The following RALYL variants were observed in gnomAD, a reference collection of about 807,000 sequenced individuals.
RALYL encodes RALY RNA binding protein like.
A neutral mutation model predicts 35.1 loss-of-function variants in RALYL; 29 were observed. The ratio of observed to expected loss-of-function variants is 0.83; its 90% CI spans 0.61 to 1.13. The LOEUF (loss-of-function observed/expected upper bound fraction) is 1.13, where lower values mean the gene tolerates loss of function less well. Ranked by LOEUF, RALYL falls within the 50% of genes most tolerant of loss-of-function variation. The pLI is 0.00. For missense variants in RALYL, 359 were observed against 360.4 expected (o/e 1.00, Z 0.03); for synonymous variants, 120 against 127.6 (o/e 0.94, Z 0.40).
At chr8:84,576,285 A>G (rs72679372) in intron 2 of RALYL, among the ~76,000 whole-genome samples, 3,483 of 152,350 alleles carry the variant, frequency 0.023, 61 homozygotes, top group Non-Finnish European at 0.036. Flanking sequence ...AGCACTGAAC[A>G]TAAGCATTAC....
chr8:84,550,663 A>G lies in RALYL; in HGVS notation c.256+21086A>G, dbSNP rs2060655276. Among the ~76,000 whole-genome samples, 3 of 151,752 alleles carry G rather than the reference A, an allele frequency of 2.0e-5. No individual in the cohort carries two copies. The South Asian group carries it at 6.2e-4, about 31-fold the overall frequency. ...AGTAGGCTTATATTATAACAGAAAT[A>G]TGTTTGTCCTTTAGAAACTTATGAC... is the stretch of plus-strand genomic sequence containing the variant. On this transcript the variant is annotated intron_variant, in intron 2 of 8. Transcript: ENST00000521268.
At chr8:84,320,092 A>G (rs985254406) in intron 1 of RALYL, among the ~76,000 whole-genome samples, 3 of 152,074 alleles carry the variant, frequency 2.0e-5, no homozygotes, top group Non-Finnish European at 4.4e-5. Context: ...TTGGAATTCT[A>G]ATTTTCTGCC....
At chr8:84,892,086 G>A (rs1554643088) in intron 8 of RALYL, among the ~76,000 whole-genome samples, 2 of 152,156 alleles carry the variant, frequency 1.3e-5, no homozygotes, top group Non-Finnish European at 1.5e-5. Context: ...GTGGTGAGAA[G>A]CCAAAGATAT....
chr8:84,486,053 A>G (rs1461105717), intron 1 of RALYL, among the ~76,000 whole-genome samples: 1 of 145,804 alleles, frequency 6.9e-6, no homozygotes, highest in African/African-American at 2.5e-5. Flanking sequence ...GAATTTAGAC[A>G]GTAGCCTACA....
chr8:84,186,930 G>A (rs796876687), intron 1 of RALYL, among the ~76,000 whole-genome samples: 3 of 152,080 alleles, frequency 2.0e-5, no homozygotes, highest in Admixed American at 6.5e-5. Context: ...ATTTAGCACC[G>A]CCTACTGGCT....
intron 2 of RALYL, among the ~76,000 whole-genome samples, chr8:84,697,305 A>G (rs1839339063): frequency 1.3e-5 from 2 of 152,020 alleles, no homozygotes; most frequent in South Asian, 2.1e-4. Flanking sequence ...TAAGCATTAT[A>G]TTTTTAAACT....
intron 1 of RALYL, among the ~76,000 whole-genome samples, chr8:84,415,205 G>GTTTTTTTTT (rs33962115): frequency 7.3e-5 from 4 of 54,650 alleles, no homozygotes; most frequent in African/African-American, 1.0e-4. Flanking sequence ...GCAGACACTC[G>GTTTTTTTTT]TTTTTTTTTT....
At chr8:84,851,632 A>G (rs142531312) in intron 5 of RALYL, among the ~76,000 whole-genome samples, 42 of 152,294 alleles carry the variant, frequency 2.8e-4, no homozygotes, top group African/African-American at 8.9e-4. Flanking sequence ...TGATCCTTGA[A>G]AGGGTCTTAT....
At chr8:84,365,592 A>C (rs1486406309) in intron 1 of RALYL, among the ~76,000 whole-genome samples, 4 of 152,224 alleles carry the variant, frequency 2.6e-5, no homozygotes, top group Non-Finnish European at 5.9e-5. Flanking sequence ...TAGTGTCTAG[A>C]AAATTGAAGC....
chr8:84,363,867 C>A (rs1853626809), intron 1 of RALYL, among the ~76,000 whole-genome samples: 1 of 152,086 alleles, frequency 6.6e-6, no homozygotes, highest in South Asian at 2.1e-4. Context: ...AGCAAGTCAC[C>A]AATACTGGTG....
At chr8:84,396,752 G>C (rs745682401) in intron 1 of RALYL, among the ~76,000 whole-genome samples, 3 of 151,500 alleles carry the variant, frequency 2.0e-5, no homozygotes, top group Non-Finnish European at 1.5e-5. Flanking sequence ...AGCTTTTAAG[G>C]TTGTGTGAGA....
chr8:84,366,763 CAAAAAAA>C (rs1166208925), intron 1 of RALYL, among the ~76,000 whole-genome samples: 10 of 56,678 alleles, frequency 1.8e-4, no homozygotes, highest in Admixed American at 1.4e-3. Context: ...ATTTTTGTCT[CAAAAAAA>C]AAAAAAAAAA....
chr8:84,832,559 T>C (rs1161697922), intron 4 of RALYL, among the ~76,000 whole-genome samples: 1 of 152,140 alleles, frequency 6.6e-6, no homozygotes, highest in African/African-American at 2.4e-5. Context: ...TCGCATCAGT[T>C]TGGTTGGGGA....
intron 2 of RALYL, among the ~76,000 whole-genome samples, chr8:84,586,647 T>G (rs1025295507): frequency 6.6e-5 from 10 of 151,818 alleles, no homozygotes; most frequent in African/African-American, 2.4e-4. Flanking sequence ...CTACTACAGT[T>G]GAGCTAGTAC....
intron 1 of RALYL, among the ~76,000 whole-genome samples, chr8:84,519,456 G>C (rs1358000013): frequency 6.6e-6 from 1 of 152,158 alleles, no homozygotes; most frequent in African/African-American, 2.4e-5. Flanking sequence ...CTTGGGTTCT[G>C]TAGTGATTGG....
At chr8:84,877,007 G>T (rs1277316632) in intron 7 of RALYL, among the ~76,000 whole-genome samples, 1 of 152,098 alleles carries the variant, frequency 6.6e-6, no homozygotes, top group African/African-American at 2.4e-5. Flanking sequence ...TCTTTATCCA[G>T]CCAGTTCATG....
intron 1 of RALYL, among the ~76,000 whole-genome samples, chr8:84,413,728 A>G (rs758913042): frequency 1.3e-5 from 2 of 152,076 alleles, no homozygotes; most frequent in Non-Finnish European, 2.9e-5. Context: ...AACATTTTCT[A>G]TTAATTGAAT....
intron 1 of RALYL, among the ~76,000 whole-genome samples, chr8:84,425,324 C>G (rs540358095): frequency 2.0e-5 from 3 of 152,032 alleles, no homozygotes; most frequent in Non-Finnish European, 2.9e-5. Context: ...CAGGTGCGTC[C>G]GTCACCCCTT....
intron 1 of RALYL, among the ~76,000 whole-genome samples, chr8:84,281,313 G>A (rs1052291787): frequency 1.2e-4 from 19 of 152,210 alleles, no homozygotes; most frequent in African/African-American, 4.1e-4. Flanking sequence ...TATTATATCA[G>A]TTTTGCTAAG....
Sources: allele counts gnomAD v4.1 joint callset (sites outside exome capture counted in the v4.1 genomes callset), GRCh38; gene constraint gnomAD v4.1.1; transcripts MANE v1.5; gene names NCBI Gene and HGNC (gene_info 2026-07-23, HGNC 2026-07-21).